The following CDK8 variants were observed in gnomAD, a reference collection of about 807,000 sequenced individuals.
CDK8 encodes cyclin dependent kinase 8.
A neutral mutation model predicts 71.5 loss-of-function variants in CDK8; 29 were observed. That is an observed-to-expected ratio of 0.41 (90% confidence interval 0.30 to 0.55). The LOEUF (loss-of-function observed/expected upper bound fraction) is 0.55. Among genes scored for constraint, CDK8 ranks in the 20% least tolerant of loss-of-function variants. The pLI, the probability that CDK8 is intolerant of heterozygous loss-of-function variation, is 0.37. For missense variants in CDK8, 288 were observed against 572.6 expected, an observed-to-expected ratio of 0.50 and a Z score of 5.07; for synonymous variants, 161 against 192.1, an observed-to-expected ratio of 0.84 and a Z score of 1.34.
intron 1 of CDK8, among the ~76,000 whole-genome samples, chr13:26,319,299 C>G (rs1874652430): frequency 6.6e-6 from 1 of 151,864 alleles, no homozygotes; most frequent in Non-Finnish European, 1.5e-5. Context: ...GAAACCCTGT[C>G]TCTACTAAAA....
rs927332007 is a variant in CDK8 at position 26,303,967 on chromosome 13, T to C, written c.129-33600T>C. 2.6e-5 allele frequency among the ~76,000 whole-genome samples: 4 copies of C among 152,152 alleles called. No individual in the cohort carries two copies. In the East Asian group the frequency reaches 7.7e-4, roughly 29 times the overall value. ...TTCCCCTCCTTTTACTTTAACTCTTTTGAAATCCTTTTATTGGCCAGGCTC... is the reference window on the plus strand; with the variant it reads ...TTCCCCTCCTTTTACTTTAACTCTTCTGAAATCCTTTTATTGGCCAGGCTC... On this transcript the variant is annotated intron_variant, in intron 1 of 12. Coordinates refer to ENST00000381527, the MANE Select transcript of CDK8 (RefSeq NM_001260.3).
intron 6 of CDK8, among the ~76,000 whole-genome samples, chr13:26,390,050 T>G (rs1875675017): frequency 6.6e-6 from 1 of 152,092 alleles, no homozygotes; most frequent in African/African-American, 2.4e-5. Flanking sequence ...ATGGAACCTT[T>G]TCTTTAATAC....
intron 1 of CDK8, among the ~76,000 whole-genome samples, chr13:26,293,642 T>C (rs9551260): frequency 0.41 from 60,617 of 149,324 alleles, 14,063 homozygotes; most frequent in Non-Finnish European, 0.52. Flanking sequence ...ATATTTATGG[T>C]GTCAACATGG....
At chr13:26,294,582 T>G (rs1334116896) in intron 1 of CDK8, among the ~76,000 whole-genome samples, 1 of 152,190 alleles carries the variant, frequency 6.6e-6, no homozygotes, top group African/African-American at 2.4e-5. Context: ...AACACTTGTC[T>G]TTTTGGTATT....
chr13:26,308,167 A>G (rs1874125706), intron 1 of CDK8, among the ~76,000 whole-genome samples: 1 of 152,254 alleles, frequency 6.6e-6, no homozygotes, highest in Non-Finnish European at 1.5e-5. Context: ...CTGTTTAAAT[A>G]AAATGAAATA....
intron 4 of CDK8, among the ~76,000 whole-genome samples, chr13:26,373,793 T>C (rs1475937904): frequency 6.6e-6 from 1 of 152,074 alleles, no homozygotes; most frequent in East Asian, 1.9e-4. Flanking sequence ...TCCTTAATTG[T>C]ATTTGAAAAT....
At chr13:26,310,953 T>C (rs1940570811) in intron 1 of CDK8, among the ~76,000 whole-genome samples, 1 of 151,860 alleles carries the variant, frequency 6.6e-6, no homozygotes, top group Non-Finnish European at 1.5e-5. Flanking sequence ...CCCTCCTCCC[T>C]ACCCACCCAC....
intron 1 of CDK8, among the ~76,000 whole-genome samples, chr13:26,259,036 C>A (rs1019954609): frequency 1.1e-4 from 17 of 152,312 alleles, no homozygotes; most frequent in African/African-American, 4.1e-4. Context: ...CTGATTCAAC[C>A]TGCATTGGAG....
At chr13:26,308,120 T>C (rs143824341) in intron 1 of CDK8, among the ~76,000 whole-genome samples, 176 of 152,372 alleles carry the variant, frequency 1.2e-3, no homozygotes, top group African/African-American at 4.0e-3. Flanking sequence ...TTTCTAGAAT[T>C]GTGCTGTGCA....
chr13:26,389,841 T>C (rs930255531), intron 6 of CDK8, among the ~76,000 whole-genome samples: 1 of 151,790 alleles, frequency 6.6e-6, no homozygotes, highest in Admixed American at 6.6e-5. Flanking sequence ...CTACTAAAAA[T>C]ACAAAAATTA....
chr13:26,270,485 A>C (rs1368711159), intron 1 of CDK8, among the ~76,000 whole-genome samples: 1 of 152,060 alleles, frequency 6.6e-6, no homozygotes, highest in Non-Finnish European at 1.5e-5. Flanking sequence ...ATCTGATTTT[A>C]GAATATTTTT....
At chr13:26,296,906 C>G (rs1007375943) in intron 1 of CDK8, among the ~76,000 whole-genome samples, 3 of 152,108 alleles carry the variant, frequency 2.0e-5, no homozygotes, top group Non-Finnish European at 4.4e-5. Flanking sequence ...AAGTCCTCTT[C>G]TAAGGACTGG....
intron 10 of CDK8, 85 bp downstream of exon 10, chr13:26,400,635 C>A: frequency 2.4e-6 from 2 of 823,964 alleles, no homozygotes; most frequent in Non-Finnish European, 4.2e-6. Context: ...TAAGTTGCTC[C>A]TCCTCTTATA....
intron 8 of CDK8, among the ~76,000 whole-genome samples, 198 bp downstream of exon 8, chr13:26,396,552 A>G (rs946705910): frequency 5.3e-5 from 8 of 152,116 alleles, no homozygotes; most frequent in Admixed American, 6.5e-5. Flanking sequence ...TACAAAAGTG[A>G]CTAATATTAG....
chr13:26,346,782 C>G (rs891813188), intron 2 of CDK8, among the ~76,000 whole-genome samples: 3 of 152,294 alleles, frequency 2.0e-5, no homozygotes, highest in African/African-American at 7.2e-5. Flanking sequence ...AATCTTGCTT[C>G]TGAATAAAAT....
chr13:26,389,727 G>A (rs185204533), intron 6 of CDK8, among the ~76,000 whole-genome samples: 1 of 152,096 alleles, frequency 6.6e-6, no homozygotes, highest in East Asian at 2.0e-4. Flanking sequence ...GTCAGGCACG[G>A]TGGCTCACAC....
rs772624500 is a variant in CDK8 at position 26,404,014 on chromosome 13, G to A, written c.1328G>A (p.Ser443Asn). Reference protein sequence around the residue: ...NPGPSTSQPQSSMGYSATSQQ... With the variant: ...NPGPSTSQPQNSMGYSATSQQ... ...GGACCAAGCACATCACAGCCGCAGA[G>A]CAGCATGGGATACTCAGCTACCTCC... The change falls in exon 13 of 13, where the codon AGC becomes AAC. Residue 443 changes from serine (S) to asparagine (N), a missense_variant. By Grantham distance (46) the Ser-to-Asn change is conservative (BLOSUM62 1). Transcript: ENST00000381527. The A allele has an allele frequency of 1.9e-6, 3 of 1,613,980 alleles. No individual in the cohort carries two copies. In the East Asian group the frequency reaches 6.7e-5, roughly 36 times the overall value.
chr13:26,271,949 G>C (rs948247100), intron 1 of CDK8, among the ~76,000 whole-genome samples: 1 of 150,282 alleles, frequency 6.7e-6, no homozygotes, highest in African/African-American at 2.5e-5. Flanking sequence ...TGCATGTGAA[G>C]GCCTAGGACA....
At chr13:26,311,162 A>T (rs1418697873) in intron 1 of CDK8, among the ~76,000 whole-genome samples, 1 of 150,958 alleles carries the variant, frequency 6.6e-6, no homozygotes, top group Non-Finnish European at 1.5e-5. Context: ...AAATGGACTC[A>T]CTGTATATTT....
Sources: gnomAD v4.1 joint callset for allele counts (sites outside exome capture counted in the v4.1 genomes callset) on GRCh38, gnomAD v4.1.1 for gene constraint, MANE v1.5 for transcripts, NCBI Gene and HGNC (gene_info 2026-07-23, HGNC 2026-07-21) for gene names.